Variants in XKR4 observed in about 807,000 individuals in gnomAD.
XKR4 encodes the protein XK related 4, also known as XK-related protein 4.
In XKR4, 12 loss-of-function variants were observed where a neutral mutation model predicts 53.9. The observed-to-expected ratio is 0.22, with a 90% CI of 0.14 to 0.36. XKR4 has a LOEUF of 0.36. Ranked by LOEUF, XKR4 falls within the 10% of genes least tolerant of loss-of-function variation. XKR4 has a pLI of 1.00. For synonymous variants in XKR4, 354 were observed against 362.4 expected, an observed-to-expected ratio of 0.98 and a Z score of 0.26; for missense variants, 799 against 859.5, an observed-to-expected ratio of 0.93 and a Z score of 0.88.
At chr8:55,177,923 G>A (rs899681550) in intron 1 of XKR4, among the ~76,000 whole-genome samples, 7 of 152,112 alleles carry the variant, frequency 4.6e-5, no homozygotes, top group African/African-American at 7.2e-5. Flanking sequence ...AGGCAGCCAA[G>A]GATCAATGTC....
chr8:55,470,000 A>G (rs2129399934), intron 2 of XKR4, among the ~76,000 whole-genome samples: 1 of 152,222 alleles, frequency 6.6e-6, no homozygotes, highest in South Asian at 2.1e-4. Context: ...AAATAAGTGC[A>G]ATAAGAAGTG....
rs1301170521 is a variant in XKR4, at chr8:55,501,451, T to C, written c.1007-21830T>C. ...AATTCTGTACCCATCAAACACTAAC[T>C]GTTAATTCTCCCCTCACCTCCAGCC... is the stretch of plus-strand genomic sequence containing the variant. On this transcript the variant is annotated intron_variant, in intron 2 of 2. Coordinates refer to ENST00000327381, the MANE Select transcript of XKR4 (RefSeq NM_052898.2). 2.0e-5 allele frequency among the ~76,000 whole-genome samples: 3 copies of C among 149,494 alleles called. No individual in the cohort carries two copies. The East Asian group carries it at 5.9e-4, about 29-fold the overall frequency.
At chr8:55,509,990 T>C (rs560626489) in intron 2 of XKR4, among the ~76,000 whole-genome samples, 1 of 152,192 alleles carries the variant, frequency 6.6e-6, no homozygotes, top group Non-Finnish European at 1.5e-5. Context: ...TTCCACAGCC[T>C]CTCTCTCCCC....
intron 1 of XKR4, among the ~76,000 whole-genome samples, chr8:55,172,577 A>G (rs547562581): frequency 6.6e-6 from 1 of 152,362 alleles, no homozygotes; most frequent in Admixed American, 6.5e-5. Context: ...AGTGAAAAGC[A>G]TTTAGAAAAA....
chr8:55,197,654 C>T (rs1391615319), intron 1 of XKR4, among the ~76,000 whole-genome samples: 1 of 151,982 alleles, frequency 6.6e-6, no homozygotes, highest in Non-Finnish European at 1.5e-5. Context: ...CGCCATTCTC[C>T]TGCCTCAGCC....
At chr8:55,107,692 A>G (rs928323947) in intron 1 of XKR4, among the ~76,000 whole-genome samples, 3 of 152,192 alleles carry the variant, frequency 2.0e-5, no homozygotes, top group Non-Finnish European at 4.4e-5. Context: ...AAGAGGTTCT[A>G]GAGATAAAGA....
intron 2 of XKR4, among the ~76,000 whole-genome samples, chr8:55,457,256 C>A (rs1365126757): frequency 1.3e-5 from 2 of 151,694 alleles, no homozygotes; most frequent in Non-Finnish European, 2.9e-5. Context: ...CATTCTCCTG[C>A]CTCAGCCTCC....
At chr8:55,465,892 A>C (rs1266983694) in intron 2 of XKR4, among the ~76,000 whole-genome samples, 1 of 152,186 alleles carries the variant, frequency 6.6e-6, no homozygotes, top group African/African-American at 2.4e-5. Context: ...AAAAATGCTC[A>C]TCATCACTGG....
At chr8:55,392,053 A>T (rs570093465) in intron 2 of XKR4, among the ~76,000 whole-genome samples, 1 of 152,328 alleles carries the variant, frequency 6.6e-6, no homozygotes, top group South Asian at 2.1e-4. Context: ...CAAGCATAAG[A>T]TGAAAGAAGG....
At chr8:55,493,256 C>T (rs7840145) in intron 2 of XKR4, among the ~76,000 whole-genome samples, 7,977 of 152,194 alleles carry the variant, frequency 0.052, 591 homozygotes, top group East Asian at 0.27. Context: ...TAGCATCCTA[C>T]CAGGAGTAAT....
intron 1 of XKR4, among the ~76,000 whole-genome samples, chr8:55,330,804 A>G (rs914234050): frequency 3.3e-5 from 5 of 152,070 alleles, no homozygotes; most frequent in East Asian, 3.9e-4. Flanking sequence ...AAACTCACCA[A>G]TCTTGCTGAC....
chr8:55,208,140 T>G (rs1050406456), intron 1 of XKR4, among the ~76,000 whole-genome samples: 7 of 152,244 alleles, frequency 4.6e-5, no homozygotes, highest in Non-Finnish European at 8.8e-5. Context: ...ATTAACATAT[T>G]CTTCATCTCA....
intron 1 of XKR4, among the ~76,000 whole-genome samples, chr8:55,150,346 G>A (rs1352984681): frequency 6.6e-6 from 1 of 152,182 alleles, no homozygotes; most frequent in Non-Finnish European, 1.5e-5. Flanking sequence ...GCTGATGCTG[G>A]TATGTTTTAG....
chr8:55,299,411 G>A (rs1819147461), intron 1 of XKR4, among the ~76,000 whole-genome samples: 1 of 152,184 alleles, frequency 6.6e-6, no homozygotes, highest in Non-Finnish European at 1.5e-5. Context: ...AGACCAGGCA[G>A]GCCAGCCAGG....
At position 55,530,589 on chromosome 8, in the gene XKR4, A is replaced by C. The variant is rs1474022239; in HGVS notation, c.*6362A>C. ...ACTGATACTAAAAAGGTAGCTGATA[A>C]TAAACCAAAAATTTTCTCAACCCTG... On this transcript the variant is annotated 3_prime_UTR_variant, in exon 3 of 3. Transcript: ENST00000327381. 1 of 152,194 alleles carries C rather than the reference A, an allele frequency of 6.6e-6. No individual in the cohort carries two copies. The highest frequency in any genetic ancestry group is 1.5e-5 in the Non-Finnish European group (1 of 68,034). 9.4% of individuals were successfully genotyped at this position (152,194 alleles called of 1,614,324 possible). A position where few individuals can be genotyped will look rare whatever the true frequency, so the allele number is the denominator to read the frequency against.
chr8:55,117,534 T>C (rs1179102382), intron 1 of XKR4, among the ~76,000 whole-genome samples: 1 of 152,212 alleles, frequency 6.6e-6, no homozygotes, highest in Non-Finnish European at 1.5e-5. Flanking sequence ...CCATTGTAGC[T>C]TGCCATGCAC....
intron 2 of XKR4, among the ~76,000 whole-genome samples, chr8:55,465,720 T>G (rs1455356880): frequency 6.6e-6 from 1 of 151,948 alleles, no homozygotes; most frequent in East Asian, 1.9e-4. Flanking sequence ...TGGGAGGAAA[T>G]TTTTGCAACC....
intron 1 of XKR4, among the ~76,000 whole-genome samples, chr8:55,239,578 T>C (rs1405132464): frequency 1.3e-5 from 2 of 152,210 alleles, no homozygotes; most frequent in Non-Finnish European, 2.9e-5. Context: ...GTTGAATTGA[T>C]TGTGTTCCTC....
intron 2 of XKR4, chr8:55,451,620 G>C: frequency 6.6e-7 from 1 of 1,523,436 alleles, no homozygotes; most frequent in Non-Finnish European, 8.9e-7. Flanking sequence ...GGTTCTGGCG[G>C]TAGCAGTAGG....
Sources: gnomAD v4.1 joint callset for allele counts (sites outside exome capture counted in the v4.1 genomes callset) on GRCh38, gnomAD v4.1.1 for gene constraint, MANE v1.5 for transcripts, NCBI Gene and HGNC (gene_info 2026-07-23, HGNC 2026-07-21) for gene names.